RASSF8: variants seen among roughly 807,000 people sequenced by gnomAD.
The protein encoded by RASSF8 is Ras association domain family member 8, also known as ras association domain-containing protein 8.
Under a neutral mutation model 48.5 loss-of-function variants are expected in RASSF8, and 22 were observed. The ratio of observed to expected loss-of-function variants is 0.45; its 90% CI spans 0.32 to 0.65. The LOEUF is 0.65. Ranked by LOEUF, RASSF8 falls within the 30% of genes least tolerant of loss-of-function variation. The pLI, the probability that RASSF8 is intolerant of heterozygous loss-of-function variation, is 0.03. For missense variants in RASSF8, 418 were observed against 489.2 expected (o/e 0.85, Z 1.37); for synonymous variants, 127 against 171.5 (o/e 0.74, Z 2.03).
chr12:26,045,838 A>G (rs1943361112), intron 2 of RASSF8, among the ~76,000 whole-genome samples: 1 of 152,238 alleles, frequency 6.6e-6, no homozygotes, highest in Non-Finnish European at 1.5e-5. Context: ...ATTTTTAAAT[A>G]TTAAATTAAG....
At chr12:25,966,364 C>T (rs955398380) in intron 1 of RASSF8, among the ~76,000 whole-genome samples, 7 of 152,102 alleles carry the variant, frequency 4.6e-5, no homozygotes, top group South Asian at 2.1e-4. Flanking sequence ...CCACCATGCC[C>T]GGCTGTTTTT....
chr12:25,965,784 A>C (rs536542135), intron 1 of RASSF8, among the ~76,000 whole-genome samples: 55 of 152,190 alleles, frequency 3.6e-4, no homozygotes, highest in Non-Finnish European at 7.5e-4. Context: ...ATTATGCAGT[A>C]ATATACTTTT....
intron 2 of RASSF8, among the ~76,000 whole-genome samples, chr12:25,999,600 A>G (rs901675625): frequency 6.6e-6 from 1 of 152,142 alleles, no homozygotes; most frequent in Non-Finnish European, 1.5e-5. Flanking sequence ...ACAGGATTGC[A>G]ACCTGTAGTT....
At chr12:25,971,335 C>G (rs1941479480) in intron 1 of RASSF8, among the ~76,000 whole-genome samples, 1 of 152,162 alleles carries the variant, frequency 6.6e-6, no homozygotes, top group Non-Finnish European at 1.5e-5. Context: ...AAGTTCACTC[C>G]TTACCTCTTG....
intron 1 of RASSF8, among the ~76,000 whole-genome samples, chr12:25,988,060 A>G (rs1454893296): frequency 6.7e-6 from 1 of 148,924 alleles, no homozygotes; most frequent in African/African-American, 2.5e-5. Context: ...ACAAGGTTTC[A>G]CCATGCTGGC....
exon 6 of RASSF8, chr12:26,079,091 C>T: frequency 6.5e-7 from 1 of 1,534,340 alleles, no homozygotes. Flanking sequence ...ACCAAAAGCT[C>T]AGGCAAGAAA....
Position 26,070,554 on chromosome 12 carries a change from AC to A in RASSF8, c.*1738del. On this transcript the variant is annotated 3_prime_UTR_variant, in exon 6 of 6. Transcript: ENST00000689635. Reference sequence around the variant, plus strand: ...AATGATTCTTACCTAAATAACCACAACCTGTACACATTTGCTCACAATTTAT... The same window carrying A: ...AATGATTCTTACCTAAATAACCACAACTGTACACATTTGCTCACAATTTAT... The A allele has an allele frequency of 2.0e-6, 2 of 980,292 alleles. No individual in the cohort carries two copies. The highest frequency in any genetic ancestry group is 2.4e-6 in the Non-Finnish European group (2 of 825,310). 60.7% of individuals were successfully genotyped at this position (980,292 alleles called of 1,614,324 possible). A position where few individuals can be genotyped will look rare whatever the true frequency, so the allele number is the denominator to read the frequency against.
chr12:26,007,775 A>T (rs1942426778), intron 2 of RASSF8, among the ~76,000 whole-genome samples: 1 of 152,236 alleles, frequency 6.6e-6, no homozygotes. Flanking sequence ...ATTGGGCCAT[A>T]TGGTAATTGA....
intron 2 of RASSF8, among the ~76,000 whole-genome samples, chr12:26,016,124 C>G (rs1942642602): frequency 6.6e-6 from 1 of 151,684 alleles, no homozygotes; most frequent in Non-Finnish European, 1.5e-5. Context: ...AGCTGATTTT[C>G]CCTTGAAATG....
In RASSF8 at chr12:26,071,362, G is replaced by A. The variant is rs1943996329; in HGVS notation, c.*2544G>A. 1.0e-6 allele frequency: 1 copy of A among 960,624 alleles called. No homozygotes were observed. Among genetic ancestry groups the A allele is most frequent in the Non-Finnish European group, 1.2e-6 (1 of 807,592 alleles). 59.5% of individuals were successfully genotyped at this position (960,624 alleles called of 1,614,324 possible). ...ATATAAAATTTTCATCTGGGGGAAT[G>A]TTCAGGTTCTAAATACTAAATTAGA... On this transcript the variant is annotated 3_prime_UTR_variant, in exon 6 of 6. Coordinates refer to ENST00000689635, the MANE Select transcript of RASSF8 (RefSeq NM_001394098.1).
intron 2 of RASSF8, among the ~76,000 whole-genome samples, chr12:26,033,071 A>G (rs537190997): frequency 2.3e-4 from 35 of 152,348 alleles, no homozygotes; most frequent in Non-Finnish European, 3.5e-4. Flanking sequence ...AGATACTTCA[A>G]CTATCCTTGA....
At chr12:26,050,252 A>G (rs986652119) in intron 2 of RASSF8, among the ~76,000 whole-genome samples, 1 of 152,258 alleles carries the variant, frequency 6.6e-6, no homozygotes, top group Non-Finnish European at 1.5e-5. Context: ...GTGGATTAGT[A>G]ACCTAAAATG....
chr12:26,062,803 G>A (rs1209852591), intron 3 of RASSF8, among the ~76,000 whole-genome samples: 1 of 152,202 alleles, frequency 6.6e-6, no homozygotes, highest in Non-Finnish European at 1.5e-5. Context: ...GCTACCACGT[G>A]TTGAATGCCT....
At chr12:26,078,306 A>G (rs1944088573) in intron 5 of RASSF8, among the ~76,000 whole-genome samples, 1 of 152,242 alleles carries the variant, frequency 6.6e-6, no homozygotes, top group Non-Finnish European at 1.5e-5. Flanking sequence ...GTGATTTTAT[A>G]CAGTGGCTTG....
At chr12:26,039,498 A>C (rs963338089) in intron 2 of RASSF8, among the ~76,000 whole-genome samples, 12 of 152,094 alleles carry the variant, frequency 7.9e-5, no homozygotes, top group Admixed American at 6.6e-4. Flanking sequence ...CGGTGTTGCA[A>C]AATGATAGTG....
intron 2 of RASSF8, among the ~76,000 whole-genome samples, chr12:26,048,856 C>T (rs1037020707): frequency 3.3e-5 from 5 of 152,104 alleles, no homozygotes; most frequent in African/African-American, 4.8e-5. Flanking sequence ...CATGTTAAAG[C>T]GATTCTCCTG....
chr12:25,992,473 CTAAG>C (rs1220869385), intron 1 of RASSF8, among the ~76,000 whole-genome samples: 1 of 152,184 alleles, frequency 6.6e-6, no homozygotes, highest in Admixed American at 6.5e-5. Context: ...CCAGTGAGTA[CTAAG>C]TGTCAGCCAC....
rs11420016 is a variant in RASSF8 at position 25,965,363 on chromosome 12, CTTTTTTTTT to C, written c.-203+6227_-203+6235del. ...ATTCCCACATCACTTTCCCAAATTT[CTTTTTTTTT>C]TTTTTTTTTTTGAGACAGGGTCTTG... On this transcript the variant is annotated intron_variant, in intron 1 of 5. Coordinates refer to ENST00000689635, the MANE Select transcript of RASSF8 (RefSeq NM_001394098.1). 2.0e-3 allele frequency among the ~76,000 whole-genome samples: 239 copies of C among 116,888 alleles called. 6 individuals are homozygous for C. In the East Asian group the frequency reaches 0.047, roughly 23 times the overall value. 76.7% of individuals were successfully genotyped at this position (116,888 alleles called of 152,430 possible).
At chr12:25,962,631 C>T (rs1941263573) in intron 1 of RASSF8, among the ~76,000 whole-genome samples, 2 of 151,724 alleles carry the variant, frequency 1.3e-5, no homozygotes, top group South Asian at 4.2e-4. Flanking sequence ...TACTATGTTG[C>T]CCAGTTGGTC....
Sources: gnomAD v4.1 joint callset for allele counts (sites outside exome capture counted in the v4.1 genomes callset) on GRCh38, gnomAD v4.1.1 for gene constraint, MANE v1.5 for transcripts, NCBI Gene and HGNC (gene_info 2026-07-23, HGNC 2026-07-21) for gene names.